The following ESRRB variants were observed in gnomAD, a reference collection of about 807,000 sequenced individuals.
ESRRB encodes the protein steroid hormone receptor ERR2.
ESRRB carries 16 observed loss-of-function variants against 46.0 expected under a neutral mutation model. The ratio of observed to expected loss-of-function variants is 0.35; its 90% confidence interval spans 0.24 to 0.53. The LOEUF (loss-of-function observed/expected upper bound fraction) is 0.53, where lower values mean the gene tolerates loss of function less well. Ranked by LOEUF, ESRRB falls within the 20% of genes least tolerant of loss-of-function variation. The pLI is 0.93. For missense variants in ESRRB, 488 were observed against 607.4 expected, an observed-to-expected ratio of 0.80 and a Z score of 2.07; for synonymous variants, 246 against 259.6, an observed-to-expected ratio of 0.95 and a Z score of 0.50.
chr14:76,484,362 C>T (rs1889922830), intron 5 of ESRRB, among the ~76,000 whole-genome samples: 1 of 152,106 alleles, frequency 6.6e-6, no homozygotes, highest in Admixed American at 6.5e-5. Flanking sequence ...GGAGCTCAAC[C>T]TCTCGGGGAT....
chr14:76,381,746 C>T (rs989136070), intron 1 of ESRRB, among the ~76,000 whole-genome samples: 13 of 152,116 alleles, frequency 8.5e-5, no homozygotes, highest in African/African-American at 3.1e-4. Flanking sequence ...TTCGCTGGCT[C>T]CTGGACTCTG....
chr14:76,321,158 G>A (rs1325400391), intron 1 of ESRRB, among the ~76,000 whole-genome samples: 1 of 151,946 alleles, frequency 6.6e-6, no homozygotes, highest in Non-Finnish European at 1.5e-5. Context: ...AACTCTATTG[G>A]TCTCTGTGCC....
chr14:76,354,224 G>T (rs528919063), intron 1 of ESRRB, among the ~76,000 whole-genome samples: 1 of 34,562 alleles, frequency 2.9e-5, no homozygotes, highest in Non-Finnish European at 4.9e-5. Context: ...TCCTCTACCC[G>T]CCCCCCCCCC....
intron 6 of ESRRB, among the ~76,000 whole-genome samples, chr14:76,492,810 G>C (rs760806004): frequency 1.2e-4 from 18 of 152,222 alleles, no homozygotes; most frequent in Non-Finnish European, 2.5e-4. Context: ...TAGATTATCT[G>C]AGGAGAGAGG....
intron 2 of ESRRB, among the ~76,000 whole-genome samples, chr14:76,457,439 T>C (rs1888660871): frequency 6.8e-6 from 1 of 147,812 alleles, no homozygotes; most frequent in African/African-American, 2.5e-5. Context: ...ATAAACTTTC[T>C]TGTAGCAGGA....
Position 76,500,881 on chromosome 14 carries a change from A to T in ESRRB, c.*2423A>T. 3 of 745,818 alleles carry T rather than the reference A, an allele frequency of 4.0e-6. No homozygotes were observed. The allele number at this position is 745,818 out of a possible 1,614,324, so 46.2% of individuals were successfully genotyped here. A position where few individuals can be genotyped will look rare whatever the true frequency, so the allele number is the denominator to read the frequency against. Reference sequence around the variant, plus strand: ...GAGGTGGAAGCTGCTTTTATACTTAAAACTCAGATCACAACAGGAAATGTG... The same window carrying T: ...GAGGTGGAAGCTGCTTTTATACTTATAACTCAGATCACAACAGGAAATGTG... On this transcript the variant is annotated 3_prime_UTR_variant, in exon 7 of 7. Coordinates refer to ENST00000644823, the MANE Select transcript of ESRRB (RefSeq NM_001379180.1).
chr14:76,377,683 C>T (rs142561939), intron 1 of ESRRB, among the ~76,000 whole-genome samples: 5 of 152,156 alleles, frequency 3.3e-5, no homozygotes, highest in Non-Finnish European at 7.4e-5. Context: ...CCCCCAAGAA[C>T]CACGACTACA....
At chr14:76,449,678 A>T (rs1888300603) in intron 2 of ESRRB, among the ~76,000 whole-genome samples, 1 of 152,112 alleles carries the variant, frequency 6.6e-6, no homozygotes, top group African/African-American at 2.4e-5. Flanking sequence ...TGTTCAGTAC[A>T]AAGTGATTGA....
intron 2 of ESRRB, among the ~76,000 whole-genome samples, chr14:76,445,012 T>A (rs1381655078): frequency 2.0e-5 from 3 of 151,360 alleles, no homozygotes; most frequent in African/African-American, 7.3e-5. Flanking sequence ...CTACAATAAA[T>A]TTTTTAAAAA....
intron 1 of ESRRB, among the ~76,000 whole-genome samples, chr14:76,318,588 CTTCACACTCAGTTTCCTCAT>C (rs922761610): frequency 3.3e-5 from 5 of 152,346 alleles, no homozygotes; most frequent in African/African-American, 1.2e-4. Flanking sequence ...AGCCTCTCCA[CTTCACACTCAGTTTCCTCAT>C]CTGTAAAATA....
chr14:76,465,968 G>A (rs972256923), intron 3 of ESRRB, among the ~76,000 whole-genome samples: 7 of 152,242 alleles, frequency 4.6e-5, no homozygotes, highest in Non-Finnish European at 8.8e-5. Context: ...TCAACAGCCT[G>A]GGCCCCTGCC....
intron 3 of ESRRB, among the ~76,000 whole-genome samples, chr14:76,478,676 C>T (rs752839249): frequency 1.3e-5 from 2 of 152,054 alleles, no homozygotes; most frequent in East Asian, 1.9e-4. Context: ...TTTTCACTTT[C>T]GGTCCTGTCA....
intron 3 of ESRRB, chr14:76,463,529 C>T (rs1244372293): frequency 6.9e-6 from 1 of 144,428 alleles, no homozygotes; most frequent in Non-Finnish European, 1.5e-5. Context: ...TCACTGCAAG[C>T]TCTGCCTCCT....
intron 1 of ESRRB, among the ~76,000 whole-genome samples, chr14:76,426,575 G>A (rs1887210335): frequency 6.6e-6 from 1 of 152,168 alleles, no homozygotes; most frequent in African/African-American, 2.4e-5. Context: ...TTGATTTCAG[G>A]TGAATTCTGA....
chr14:76,481,875 A>C, intron 3 of ESRRB, 141 bp from the exon 4 acceptor site: 2 of 762,238 alleles, frequency 2.6e-6, no homozygotes, highest in South Asian at 1.5e-5. Context: ...ACCTGGCCTG[A>C]GGCTGGCCGT....
intron 1 of ESRRB, among the ~76,000 whole-genome samples, chr14:76,426,854 G>T (rs1395256197): frequency 2.0e-5 from 3 of 152,162 alleles, no homozygotes; most frequent in African/African-American, 7.2e-5. Flanking sequence ...AACATGGGGA[G>T]ACCATGTCGC....
rs572303276 is a variant in ESRRB at position 76,359,725 on chromosome 14, A to G, written c.2+48809A>G. ...GGCTGTTGGAATGGGCAGGCCAGGG[A>G]AAGCAGAGGGCTTGTGGGAAGGGTT... On this transcript the variant is annotated intron_variant, in intron 1 of 6. Transcript: ENST00000512784. 2.8e-4 allele frequency among the ~76,000 whole-genome samples: 42 copies of G among 152,222 alleles called. 1 individual carries two copies. In the East Asian group the frequency reaches 8.1e-3, roughly 29 times the overall value.
rs114808102 is a variant in ESRRB, at chr14:76,407,364, G to A, written c.50+30913G>A. ...CACAAATGTAGAGCCACAATGCAAT[G>A]TGACCCTAGAGCCCATGGTTCCAGA... On this transcript the variant is annotated intron_variant, in intron 1 of 6. Coordinates refer to ENST00000644823, the MANE Select transcript of ESRRB (RefSeq NM_001379180.1). 532 of 159,464 alleles carry A rather than the reference G, an allele frequency of 3.3e-3. 3 individuals are homozygous for A. Among genetic ancestry groups the A allele is most frequent in the African/African-American group, 0.012 (501 of 41,644 alleles). 9.9% of individuals were successfully genotyped at this position (159,464 alleles called of 1,614,324 possible). A position where few individuals can be genotyped will look rare whatever the true frequency, so the allele number is the denominator to read the frequency against.
rs201417586 is a variant in ESRRB, at chr14:76,491,472, C to T, written c.876C>T (p.Asp292=). ...GCTTCTCAAGCCTCTCCCTGGGGGA[C>T]CAGATGAGCCTGCTGCAGAGTGCCT... ...IPGFSSLSLG[D]QMSLLQSAWM... The change falls in exon 6 of 7, where the codon GAC becomes GAT. Residue 292 remains aspartate (D), a synonymous_variant. Coordinates refer to ENST00000644823, the MANE Select transcript of ESRRB (RefSeq NM_001379180.1). 411 of 1,608,198 alleles carry T rather than the reference C, an allele frequency of 2.6e-4. 4 individuals carry two copies. The Middle Eastern group carries it at 3.1e-3, about 12-fold the overall frequency.
Sources: gnomAD v4.1 joint callset for allele counts (sites outside exome capture counted in the v4.1 genomes callset) on GRCh38, gnomAD v4.1.1 for gene constraint, MANE v1.5 for transcripts, NCBI Gene and HGNC (gene_info 2026-07-23, HGNC 2026-07-21) for gene names.